ATP2C2: variants seen among roughly 807,000 people sequenced by gnomAD.
ATP2C2 encodes ATPase secretory pathway Ca2+ transporting 2.
ATP2C2 carries 171 observed loss-of-function variants against 110.8 expected under a neutral mutation model. The ratio of observed to expected loss-of-function variants is 1.54; its 90% CI spans 1.36 to 1.75. The LOEUF is 1.75. Ranked by LOEUF, ATP2C2 falls within the 40% of genes most tolerant of loss-of-function variation. The probability of loss-of-function intolerance (pLI) is 0.00; values close to 1 mark genes in which losing one functional copy is unlikely to be tolerated. For missense variants in ATP2C2, 1,963 were observed against 1,235.0 expected, an observed-to-expected ratio of 1.59 and a Z score of -8.84; for synonymous variants, 804 against 508.4, an observed-to-expected ratio of 1.58 and a Z score of -7.82.
Position 84,410,548 on chromosome 16 carries a change from C to CTCCTCCG in ATP2C2, c.418-18_418-12dup. ...CCACTGAGCCTCTGGTACTGACACC[C>CTCCTCCG]TCCTCCGTTTGCTGTCTAGGCAGTG... On this transcript the variant is annotated intron_variant, in intron 4 of 26. Transcript: ENST00000262429. The CTCCTCCG allele has an allele frequency of 6.2e-7, 1 of 1,613,410 alleles. No individual in the cohort carries two copies. The highest frequency in any genetic ancestry group is 8.5e-7 in the Non-Finnish European group (1 of 1,179,682).
At chr16:84,373,329 A>G (rs142523513) in intron 1 of ATP2C2, among the ~76,000 whole-genome samples, 2,523 of 152,076 alleles carry the variant, frequency 0.017, 37 homozygotes, top group African/African-American at 0.035. Context: ...GCAAAACCCC[A>G]TCTCTACTAA....
intron 15 of ATP2C2, among the ~76,000 whole-genome samples, chr16:84,445,551 A>T (rs1443969827): frequency 6.6e-6 from 1 of 152,102 alleles, no homozygotes; most frequent in Non-Finnish European, 1.5e-5. Context: ...GGCCAACCCT[A>T]ATAGCCTCAA....
intron 1 of ATP2C2, among the ~76,000 whole-genome samples, chr16:84,389,049 G>A (rs1433711333): frequency 5.3e-5 from 8 of 152,096 alleles, no homozygotes; most frequent in Non-Finnish European, 7.3e-5. Flanking sequence ...GAGCCACCGC[G>A]CCCGGCCTAT....
chr16:84,391,006 C>T (rs1904622901), intron 1 of ATP2C2, among the ~76,000 whole-genome samples: 2 of 147,152 alleles, frequency 1.4e-5, no homozygotes, highest in African/African-American at 2.5e-5. Flanking sequence ...CCCAGCTACT[C>T]GAGTGGGTGA....
rs763197003 is a variant in ATP2C2 at position 84,440,862 on chromosome 16, C to T, written c.1215C>T (p.Ser405=). ...VTSDGLRAEV[S]GVGYDGQGTV... The stretch of plus-strand genomic sequence containing the variant: ...TCTTCTGCCTCGCCCTGCAGGTCAG[C>T]GGAGTTGGGTATGACGGTCAAGGGA... The change falls in exon 14 of 27, where the codon AGC becomes AGT. Residue 405 remains serine (S), a synonymous_variant. Coordinates refer to ENST00000262429, the MANE Select transcript of ATP2C2 (RefSeq NM_014861.4). 14 of 1,612,556 alleles carry T rather than the reference C, an allele frequency of 8.7e-6. No homozygotes were observed. Among genetic ancestry groups the T allele is most frequent in the Admixed American group, 8.4e-5 (5 of 59,858 alleles).
Position 84,463,635 on chromosome 16 carries a change from T to C in ATP2C2, c.2744T>C (p.Leu915Ser), listed in dbSNP as rs369233104. 7.2e-5 allele frequency: 117 copies of C among 1,614,076 alleles called. No homozygotes were observed. Among genetic ancestry groups the C allele is most frequent in the Non-Finnish European group, 8.8e-5 (104 of 1,179,994 alleles). Reference sequence around the variant, plus strand: ...GCAGATTTGCTGTTTTTAACTGGATTGGCCTCATCCGTCTTCATTTTGTCA... The same window carrying C: ...GCAGATTTGCTGTTTTTAACTGGATCGGCCTCATCCGTCTTCATTTTGTCA... Reference protein sequence around the residue: ...GALDLLFLTGLASSVFILSEL... With the variant: ...GALDLLFLTGSASSVFILSEL... The change falls in exon 27 of 27, where the codon TTG becomes TCG. Residue 915 changes from leucine (L) to serine (S), a missense_variant. Physicochemically the swap from Leu to Ser is moderately radical, Grantham distance 145. Transcript: ENST00000262429.
intron 1 of ATP2C2, among the ~76,000 whole-genome samples, chr16:84,393,080 G>A (rs955058729): frequency 6.6e-6 from 1 of 152,202 alleles, no homozygotes; most frequent in African/African-American, 2.4e-5. Flanking sequence ...ATCAGCAGCG[G>A]GCACGGGCCC....
In ATP2C2 at chr16:84,439,426, G is replaced by A. The variant is rs766677783; in HGVS notation, c.1112-1G>A. On this transcript the variant is annotated splice_acceptor_variant, in intron 12 of 26. Coordinates refer to ENST00000262429, the MANE Select transcript of ATP2C2 (RefSeq NM_014861.4). LOFTEE classifies it high-confidence loss of function. ...CTATAAACTGGTGTTTGTTGTACCAGGTTGCTGCAGCGTTCTCTGTTCTGA... is the reference window on the plus strand; with the variant it reads ...CTATAAACTGGTGTTTGTTGTACCAAGTTGCTGCAGCGTTCTCTGTTCTGA... The A allele has an allele frequency of 1.9e-6, 3 of 1,613,972 alleles. No individual in the cohort carries two copies. The highest frequency in any genetic ancestry group is 2.5e-6 in the Non-Finnish European group (3 of 1,180,004).
chr16:84,459,742 A>G, intron 23 of ATP2C2: 1 of 663,432 alleles, frequency 1.5e-6, no homozygotes, highest in Non-Finnish European at 2.5e-6. Context: ...ACCCTGCTGT[A>G]TTTTTCCCTA....
In ATP2C2 at chr16:84,422,612, C is replaced by T. The variant is rs145901110; in HGVS notation, c.775-17C>T. On this transcript the variant is annotated splice_polypyrimidine_tract_variant and intron_variant, in intron 8 of 26. Transcript: ENST00000262429. ...CCCAGCCCTTAGATTTCATACTTCTCTCTCTCCTGGACACAGGGGGTCGTG... is the reference window on the plus strand; with the variant it reads ...CCCAGCCCTTAGATTTCATACTTCTTTCTCTCCTGGACACAGGGGGTCGTG... 1.9e-6 allele frequency: 3 copies of T among 1,611,720 alleles called. No homozygotes were observed. Among genetic ancestry groups the T allele is most frequent in the Non-Finnish European group, 2.5e-6 (3 of 1,179,076 alleles).
chr16:84,377,496 C>T (rs762363810), intron 1 of ATP2C2, among the ~76,000 whole-genome samples: 16 of 152,012 alleles, frequency 1.1e-4, no homozygotes, highest in East Asian at 5.8e-4. Context: ...TTGGTTCCTC[C>T]GGAGGCCTCT....
At chr16:84,404,277 A>C (rs550449746) in intron 2 of ATP2C2, 1 of 152,994 alleles carries the variant, frequency 6.5e-6, no homozygotes, top group African/African-American at 2.4e-5. Context: ...AGCGGGTTAC[A>C]TTAGCATCTC....
At chr16:84,377,735 G>C (rs1419529434) in intron 1 of ATP2C2, among the ~76,000 whole-genome samples, 2 of 152,046 alleles carry the variant, frequency 1.3e-5, no homozygotes, top group Non-Finnish European at 2.9e-5. Context: ...GGGAATGGTG[G>C]GGGGGTTGGA....
Position 84,368,630 on chromosome 16 carries a change from C to T in ATP2C2, c.15C>T (p.Arg5=). The T allele has an allele frequency of 1.9e-6, 3 of 1,561,082 alleles. No individual in the cohort carries two copies. The highest frequency in any genetic ancestry group is 1.7e-6 in the Non-Finnish European group (2 of 1,153,986). Residue 5 remains arginine, a synonymous_variant, in exon 1 of 27, where the codon CGC becomes CGT. Coordinates refer to ENST00000262429, the MANE Select transcript of ATP2C2 (RefSeq NM_014861.4). ...GCCCGCTCACCATGGTCGAGGGACG[C>T]GTCTCCGAGTTCCTGAAGAAACTCG... MVEG[R]VSEFLKKLGF...
chr16:84,425,726 C>CT lies in ATP2C2; in HGVS notation c.920-7dup, dbSNP rs1370015259. On this transcript the variant is annotated splice_polypyrimidine_tract_variant and intron_variant, in intron 10 of 26. Transcript: ENST00000262429. Reference sequence around the variant, plus strand: ...TATGGAGATAAGGATGTTTTTGTCTCTTCCCCAGGTCTCATCATGCTCATT... The same window carrying CT: ...TATGGAGATAAGGATGTTTTTGTCTCTTTCCCCAGGTCTCATCATGCTCATT... The CT allele has an allele frequency of 1.2e-6, 2 of 1,613,860 alleles. No individual in the cohort carries two copies. Among genetic ancestry groups the CT allele is most frequent in the Non-Finnish European group, 1.7e-6 (2 of 1,179,896 alleles).
chr16:84,389,494 C>T (rs1020427972), intron 1 of ATP2C2, among the ~76,000 whole-genome samples: 4 of 152,182 alleles, frequency 2.6e-5, no homozygotes, highest in Non-Finnish European at 2.9e-5. Context: ...TTGTCCCATG[C>T]GGTACTCGTG....
At chr16:84,395,081 T>C (rs56211500) in intron 1 of ATP2C2, among the ~76,000 whole-genome samples, 27,370 of 152,102 alleles carry the variant, frequency 0.18, 3,016 homozygotes, top group South Asian at 0.33. Context: ...TGTCTGACTT[T>C]TGGGTCTCGT....
In ATP2C2 at chr16:84,461,352, C is replaced by T. The variant is rs543702150; in HGVS notation, c.2482-362C>T. 534 of 359,930 alleles carry T rather than the reference C, an allele frequency of 1.5e-3. 5 individuals carry two copies. The highest frequency in any genetic ancestry group is 0.01 in the African/African-American group (499 of 48,226). The allele number at this position is 359,930 out of a possible 1,614,324, so 22.3% of individuals were successfully genotyped here. A position where few individuals can be genotyped will look rare whatever the true frequency, so the allele number is the denominator to read the frequency against. On this transcript the variant is annotated intron_variant, in intron 24 of 26. Transcript: ENST00000262429. Reference sequence around the variant, plus strand: ...CCCTGCCTCCATTTTCCCTCCAGCTCTCCCTCTACTACTGACGGCCATCCT... The same window carrying T: ...CCCTGCCTCCATTTTCCCTCCAGCTTTCCCTCTACTACTGACGGCCATCCT...
chr16:84,427,134 C>G (rs1907877896), intron 11 of ATP2C2, among the ~76,000 whole-genome samples: 1 of 152,192 alleles, frequency 6.6e-6, no homozygotes. Flanking sequence ...AACGCACACG[C>G]AGCTGCTGTC....
Sources: allele counts gnomAD v4.1 joint callset (sites outside exome capture counted in the v4.1 genomes callset), GRCh38; gene constraint gnomAD v4.1.1; transcripts MANE v1.5; gene names NCBI Gene and HGNC (gene_info 2026-07-23, HGNC 2026-07-21).